The following ABLIM2 variants were observed in gnomAD, a reference collection of about 807,000 sequenced individuals.
ABLIM2 encodes actin binding LIM protein family member 2, also known as actin-binding LIM protein 2.
In ABLIM2, 53 loss-of-function variants were observed where a neutral mutation model predicts 97.7. That is an observed-to-expected ratio of 0.54 (90% CI 0.44 to 0.68). The LOEUF (loss-of-function observed/expected upper bound fraction) is 0.68. ABLIM2 is among the 30% of genes least tolerant of loss of function. The probability of loss-of-function intolerance (pLI) is 0.00; values close to 1 mark genes in which losing one functional copy is unlikely to be tolerated. For missense variants in ABLIM2, 835 were observed against 867.2 expected (o/e 0.96, Z 0.47); for synonymous variants, 361 against 345.8 (o/e 1.04, Z -0.49).
At position 7,983,473 on chromosome 4, in the gene ABLIM2, C is replaced by T; in HGVS notation, c.1743+74G>A. On this transcript the variant is annotated intron_variant, in intron 19 of 20. Coordinates refer to ENST00000447017, the MANE Select transcript of ABLIM2 (RefSeq NM_001130083.2). ...TGACACACACATTTCATAGGTAAAG[C>T]ACAACAGAAAGGACTTTTAACCTGG... 3.1e-6 allele frequency: 5 copies of T among 1,600,786 alleles called. No homozygotes were observed. The South Asian group carries it at 5.6e-5, about 18-fold the overall frequency.
At chr4:8,145,041 C>T (rs758398124) in intron 1 of ABLIM2, among the ~76,000 whole-genome samples, 1 of 152,120 alleles carries the variant, frequency 6.6e-6, no homozygotes. Context: ...TGGGGCGGGT[C>T]GTGCCTCCTG....
intron 5 of ABLIM2, 122 bp from the exon 6 acceptor site, chr4:8,077,843 A>C (rs1391893627): frequency 1.3e-6 from 1 of 775,414 alleles, no homozygotes; most frequent in East Asian, 2.7e-5. Context: ...CCTCCTGCTC[A>C]GGTAACAATG....
chr4:7,984,759 T>A (rs975878875), intron 18 of ABLIM2, 80 bp downstream of exon 18: 2 of 1,410,188 alleles, frequency 1.4e-6, no homozygotes, highest in African/African-American at 2.9e-5. Context: ...GCGGATGGGG[T>A]GGTTTCAGAA....
rs1329479402 is a variant in ABLIM2, at chr4:8,069,983, G to T, written c.675+7645C>A. On this transcript the variant is annotated intron_variant, in intron 6 of 20. Coordinates refer to ENST00000447017, the MANE Select transcript of ABLIM2 (RefSeq NM_001130083.2). The surrounding 1 kb of genome is among the most constrained non-coding windows in gnomAD (Gnocchi z 4.2). ...CCTAAGCGTGCTGTCTGCACGTCTT[G>T]TATGTGTATGTGATCTGTGTGTCCT... is the stretch of plus-strand genomic sequence containing the variant. 6.6e-6 allele frequency among the ~76,000 whole-genome samples: 1 copy of T among 151,992 alleles called. No homozygotes were observed. The highest frequency in any genetic ancestry group is 2.4e-5 in the African/African-American group (1 of 41,382).
rs2152307252 is a variant in ABLIM2, at chr4:8,069,817, G to T, written c.675+7811C>A. Among the ~76,000 whole-genome samples, 1 of 152,086 alleles carries T rather than the reference G, an allele frequency of 6.6e-6. No individual in the cohort carries two copies. On this transcript the variant is annotated intron_variant, in intron 6 of 20. Transcript: ENST00000447017. The surrounding 1 kb of genome is among the most constrained non-coding windows in gnomAD (Gnocchi z 4.2). ...GTGTGCTTGTGTGTCTCTATGTGTT[G>T]TCTGTGTGTACGTGTCTGTGGGTGC...
intron 1 of ABLIM2, among the ~76,000 whole-genome samples, chr4:8,143,162 G>GGC (rs1554123523): frequency 3.4e-5 from 5 of 148,522 alleles, no homozygotes; most frequent in African/African-American, 1.2e-4. Flanking sequence ...GCGAGAGTGG[G>GGC]GGGGGGGGGC....
Position 8,021,146 on chromosome 4 carries a change from G to A in ABLIM2, c.1268-843C>T, listed in dbSNP as rs954305180. Among the ~76,000 whole-genome samples, 2 of 152,054 alleles carry A rather than the reference G, an allele frequency of 1.3e-5. No homozygotes were observed. The highest frequency in any genetic ancestry group is 4.8e-5 in the African/African-American group (2 of 41,386). On this transcript the variant is annotated intron_variant, in intron 12 of 20. Transcript: ENST00000447017. The surrounding 1 kb of genome is among the most constrained non-coding windows in gnomAD (Gnocchi z 5.5). ...GCTGGGATTACAGGCATGAGCCACC[G>A]CACCCTGGCCACATTCTTAAATACA...
At chr4:8,100,081 G>A (rs934208981) in intron 2 of ABLIM2, among the ~76,000 whole-genome samples, 2 of 152,212 alleles carry the variant, frequency 1.3e-5, no homozygotes, top group Non-Finnish European at 2.9e-5. Context: ...ACAGGCAGGA[G>A]AGGGTGGCGG....
chr4:8,153,329 A>G (rs181422333), intron 1 of ABLIM2, among the ~76,000 whole-genome samples: 3 of 152,296 alleles, frequency 2.0e-5, no homozygotes, highest in Non-Finnish European at 2.9e-5. Context: ...AAAATATCCT[A>G]TCTACCCCCA....
Position 8,147,126 on chromosome 4 carries a change from G to A in ABLIM2, c.10+11554C>T, listed in dbSNP as rs950650697. ...CAGAAGTCGCATTATTCCATCAAAA[G>A]GCATGAATGTATTTAAGTCTCCATA... On this transcript the variant is annotated intron_variant, in intron 1 of 20. Transcript: ENST00000447017. This position sits in a 1 kb window ranked among gnomAD's most constrained non-coding sequence, Gnocchi z 5.3. Among the ~76,000 whole-genome samples, 4 of 152,188 alleles carry A rather than the reference G, an allele frequency of 2.6e-5. No homozygotes were observed. Among genetic ancestry groups the A allele is most frequent in the Admixed American group, 6.5e-5 (1 of 15,288 alleles).
intron 1 of ABLIM2, among the ~76,000 whole-genome samples, chr4:8,116,040 C>A (rs975701306): frequency 3.9e-5 from 6 of 152,252 alleles, no homozygotes; most frequent in African/African-American, 1.4e-4. Flanking sequence ...GTGGAGGATT[C>A]TGGCTCCCAG....
Position 8,072,319 on chromosome 4 carries a change from AG to A in ABLIM2, c.675+5308del, listed in dbSNP as rs147250412. ...GCTTGCCTCCCAATCCATCAAGGGG[AG>A]GGGGGGCTGCCTGATGAAACCCACT... On this transcript the variant is annotated intron_variant, in intron 6 of 20. Transcript: ENST00000447017. This position sits in a 1 kb window ranked among gnomAD's most constrained non-coding sequence, Gnocchi z 5.8. Among the ~76,000 whole-genome samples the A allele has an allele frequency of 0.13, 19,715 of 152,100 alleles. 1,502 individuals carry two copies. Among genetic ancestry groups the A allele is most frequent in the Middle Eastern group, 0.22 (64 of 294 alleles).
intron 10 of ABLIM2, among the ~76,000 whole-genome samples, chr4:8,031,566 G>A (rs1780924048): frequency 6.6e-6 from 1 of 152,150 alleles, no homozygotes; most frequent in Non-Finnish European, 1.5e-5. Flanking sequence ...GGTGAGCATA[G>A]GCTCTGAGCC....
At chr4:8,073,074 C>G (rs959856308) in intron 6 of ABLIM2, among the ~76,000 whole-genome samples, 1 of 151,708 alleles carries the variant, frequency 6.6e-6, no homozygotes, top group Non-Finnish European at 1.5e-5. Context: ...CTGTTTTTAA[C>G]GGGAGAGATG....
rs146187990 is a variant in ABLIM2, at chr4:8,064,088, C to T, written c.676-3034G>A. Among the ~76,000 whole-genome samples the T allele has an allele frequency of 7.1e-3, 1,080 of 152,334 alleles. 13 individuals are homozygous for T. Among genetic ancestry groups the T allele is most frequent in the South Asian group, 0.018 (89 of 4,828 alleles). On this transcript the variant is annotated intron_variant, in intron 6 of 20. Transcript: ENST00000447017. ...AGGAAAGACACAGAAGCAGAAGCTGCGTTAGAGATAATAAAAACCCTGATT... is the reference window on the plus strand; with the variant it reads ...AGGAAAGACACAGAAGCAGAAGCTGTGTTAGAGATAATAAAAACCCTGATT...
rs372097209 is a variant in ABLIM2 at position 8,046,869 on chromosome 4, G to T, written c.823-1628C>A. Among the ~76,000 whole-genome samples the T allele has an allele frequency of 4.4e-4, 67 of 152,312 alleles. No homozygotes were observed. The highest frequency in any genetic ancestry group is 1.6e-3 in the African/African-American group (66 of 41,562). On this transcript the variant is annotated intron_variant, in intron 8 of 20. Transcript: ENST00000447017. The surrounding 1 kb of genome is among the most constrained non-coding windows in gnomAD (Gnocchi z 4.4). ...ACAGGGAGTCCATGTGGAGGCACAG[G>T]GAGAAGGCAGCATCTACGAGCCAAC...
chr4:7,972,494 T>A (rs1343166575), intron 20 of ABLIM2, among the ~76,000 whole-genome samples: 1 of 152,206 alleles, frequency 6.6e-6, no homozygotes, highest in African/African-American at 2.4e-5. Context: ...CTCAGCACCA[T>A]GAGGGTGGGC....
chr4:8,014,019 G>A (rs1033349782), intron 14 of ABLIM2, among the ~76,000 whole-genome samples: 1 of 152,210 alleles, frequency 6.6e-6, no homozygotes, highest in Non-Finnish European at 1.5e-5. Flanking sequence ...CAGAGGTGTG[G>A]GGGCTGTTCC....
rs1368338209 is a variant in ABLIM2 at position 8,029,663 on chromosome 4, G to C, written c.1161C>G (p.Ser387Arg). 1 of 1,546,054 alleles carries C rather than the reference G, an allele frequency of 6.5e-7. No individual in the cohort carries two copies. Among genetic ancestry groups the C allele is most frequent in the African/African-American group, 1.4e-5 (1 of 72,894 alleles). ...TPTSRSPQHY[S>R]RPAGTVSVGT... ...AACCAGGGGGCCAAGTACCTGGACG[G>C]CTGTAGTGCTGTGGTGACCGTGAGG... Residue 387 changes from serine to arginine, a missense_variant, in exon 11 of 21, where the codon AGC becomes AGG. Physicochemically the swap from Ser to Arg is moderately radical, Grantham distance 110. Coordinates refer to ENST00000447017, the MANE Select transcript of ABLIM2 (RefSeq NM_001130083.2).
Sources: gnomAD v4.1 joint callset for allele counts (sites outside exome capture counted in the v4.1 genomes callset) on GRCh38, gnomAD v4.1.1 for gene constraint, Gnocchi (gnomAD v3.1) non-coding constraint, MANE v1.5 for transcripts, NCBI Gene and HGNC (gene_info 2026-07-23, HGNC 2026-07-21) for gene names.